BRINP2: variants seen among roughly 807,000 people sequenced by gnomAD.
BRINP2 encodes BMP/retinoic acid-inducible neural-specific protein 2.
A neutral mutation model predicts 69.2 loss-of-function variants in BRINP2; 21 were observed. The observed-to-expected ratio is 0.30, with a 90% CI of 0.22 to 0.44. The LOEUF (loss-of-function observed/expected upper bound fraction) is 0.44. BRINP2 is among the 20% of genes least tolerant of loss of function. BRINP2 has a pLI of 1.00. For missense variants in BRINP2, 877 were observed against 986.0 expected (o/e 0.89, Z 1.48); for synonymous variants, 380 against 394.1 (o/e 0.96, Z 0.42).
chr1:177,206,054 C>T (rs565758064), intron 1 of BRINP2, among the ~76,000 whole-genome samples: 9 of 152,274 alleles, frequency 5.9e-5, no homozygotes, highest in Admixed American at 2.6e-4. Flanking sequence ...TTCTGTGAGA[C>T]GTGAGATGTT....
Position 177,241,066 on chromosome 1 carries a change from G to A in BRINP2, c.269+10921G>A, listed in dbSNP as rs796598152. Among the ~76,000 whole-genome samples the A allele has an allele frequency of 8.5e-5, 13 of 152,094 alleles. 1 individual carries two copies. The highest frequency in any genetic ancestry group is 3.1e-4 in the African/African-American group (13 of 41,462). On this transcript the variant is annotated intron_variant, in intron 2 of 7. Transcript: ENST00000361539. ...AGCTCACTGTAAACTCCGCCTCCCG[G>A]GTTCATGCCATTCTCCTGCCTCAGC... is the stretch of plus-strand genomic sequence containing the variant.
intron 6 of BRINP2, 99 bp from the exon 7 acceptor site, chr1:177,278,464 G>T (rs1651574185): frequency 8.8e-7 from 1 of 1,131,298 alleles, no homozygotes; most frequent in East Asian, 2.4e-5. Context: ...TTCTCATGCA[G>T]TAACTTTGAA....
chr1:177,172,488 A>G (rs1283479538), intron 1 of BRINP2, among the ~76,000 whole-genome samples: 1 of 152,174 alleles, frequency 6.6e-6, no homozygotes, highest in Admixed American at 6.5e-5. Flanking sequence ...TGTATGCAGG[A>G]AACAGGCTGC....
At chr1:177,264,433 A>G (rs1020020011) in intron 4 of BRINP2, among the ~76,000 whole-genome samples, 1 of 152,216 alleles carries the variant, frequency 6.6e-6, no homozygotes, top group African/African-American at 2.4e-5. Flanking sequence ...ACTCCTATTT[A>G]ACTAGTACTG....
At chr1:177,256,406 C>T in intron 3 of BRINP2, 2 of 985,460 alleles carry the variant, frequency 2.0e-6, no homozygotes, top group Non-Finnish European at 2.4e-6. Flanking sequence ...CTGAGTCACC[C>T]AACCCCTGAG....
Position 177,179,227 on chromosome 1 carries a change from AC to A in BRINP2, c.-77+7496del. Among the ~76,000 whole-genome samples the A allele has an allele frequency of 2.1e-5, 3 of 144,632 alleles. No individual in the cohort carries two copies. In the Middle Eastern group the frequency reaches 0.011, roughly 513 times the overall value. The allele number at this position is 144,632 out of a possible 152,430, so 94.9% of individuals were successfully genotyped here. On this transcript the variant is annotated intron_variant, in intron 1 of 7. Transcript: ENST00000361539. ...AAATAGAGTATTGTCAGACAGAGTG[AC>A]TGAGGCATCGGTCAGGGAAAGTCTC...
chr1:177,215,699 T>G (rs950134031), intron 1 of BRINP2, among the ~76,000 whole-genome samples: 7 of 152,128 alleles, frequency 4.6e-5, no homozygotes, highest in African/African-American at 1.7e-4. Context: ...TCTCTTCCCT[T>G]ATTGGTGTAA....
At chr1:177,205,309 T>C (rs566203316) in intron 1 of BRINP2, among the ~76,000 whole-genome samples, 35 of 152,096 alleles carry the variant, frequency 2.3e-4, no homozygotes, top group Non-Finnish European at 4.0e-4. Flanking sequence ...TCTGGCTAAA[T>C]TTTGTATTTT....
At chr1:177,189,701 G>T (rs373643232) in intron 1 of BRINP2, among the ~76,000 whole-genome samples, 2 of 152,168 alleles carry the variant, frequency 1.3e-5, no homozygotes, top group African/African-American at 4.8e-5. Context: ...TTAAACAGAG[G>T]CCTCCACATT....
intron 1 of BRINP2, among the ~76,000 whole-genome samples, chr1:177,214,766 T>C (rs1202650208): frequency 6.6e-6 from 1 of 152,220 alleles, no homozygotes; most frequent in Non-Finnish European, 1.5e-5. Context: ...TTTTTAGGAT[T>C]TTAAAAATTA....
chr1:177,262,866 T>C (rs1651001473), intron 4 of BRINP2, among the ~76,000 whole-genome samples: 1 of 152,092 alleles, frequency 6.6e-6, no homozygotes, highest in Non-Finnish European at 1.5e-5. Flanking sequence ...AGTAGATTTC[T>C]GGGTAGCACT....
intron 1 of BRINP2, among the ~76,000 whole-genome samples, chr1:177,176,601 G>A (rs1391810186): frequency 6.6e-6 from 1 of 151,162 alleles, no homozygotes; most frequent in Non-Finnish European, 1.5e-5. Context: ...ACAGGTTAAT[G>A]GGGAAAAGGT....
At chr1:177,209,906 A>C (rs1649177422) in intron 1 of BRINP2, among the ~76,000 whole-genome samples, 1 of 152,228 alleles carries the variant, frequency 6.6e-6, no homozygotes, top group African/African-American at 2.4e-5. Context: ...AAAGAAGGTA[A>C]AGAGCATCCA....
Position 177,233,918 on chromosome 1 carries a change from C to T in BRINP2, c.269+3773C>T, listed in dbSNP as rs142551184. ...ATGAAGAGAACAGAGACAATATGCA[C>T]TCTGGTTAAGCCCTCCTAGATAACA... On this transcript the variant is annotated intron_variant, in intron 2 of 7. Coordinates refer to ENST00000361539, the MANE Select transcript of BRINP2 (RefSeq NM_021165.4). Among the ~76,000 whole-genome samples, 1,347 of 152,266 alleles carry T rather than the reference C, an allele frequency of 8.8e-3. 11 individuals carry two copies. Among genetic ancestry groups the T allele is most frequent in the Non-Finnish European group, 0.015 (991 of 68,024 alleles).
At chr1:177,225,927 G>A (rs1456009682) in intron 1 of BRINP2, among the ~76,000 whole-genome samples, 2 of 152,230 alleles carry the variant, frequency 1.3e-5, no homozygotes, top group African/African-American at 2.4e-5. Flanking sequence ...ACTGAATTCA[G>A]GCATTCTTGC....
intron 2 of BRINP2, among the ~76,000 whole-genome samples, chr1:177,239,954 TTCC>T (rs770418199): frequency 6.6e-6 from 1 of 152,126 alleles, no homozygotes; most frequent in Non-Finnish European, 1.5e-5. Context: ...GTGTGCCTCT[TTCC>T]TCCTCCTCTG....
intron 2 of BRINP2, among the ~76,000 whole-genome samples, chr1:177,245,772 C>G (rs1650358195): frequency 6.6e-6 from 1 of 152,128 alleles, no homozygotes; most frequent in Non-Finnish European, 1.5e-5. Context: ...CATGTTGATT[C>G]TATAAACACA....
At chr1:177,204,429 A>G (rs1296209028) in intron 1 of BRINP2, among the ~76,000 whole-genome samples, 2 of 152,042 alleles carry the variant, frequency 1.3e-5, no homozygotes, top group African/African-American at 4.8e-5. Context: ...GAGAAACTCC[A>G]ATTGAATGAC....
chr1:177,257,826 C>A (rs1033345073), intron 4 of BRINP2, among the ~76,000 whole-genome samples: 12 of 152,124 alleles, frequency 7.9e-5, no homozygotes, highest in African/African-American at 2.4e-4. Context: ...GATAAGAAAC[C>A]AGCTGTGTGG....
Sources: gnomAD v4.1 joint callset for allele counts (sites outside exome capture counted in the v4.1 genomes callset) on GRCh38, gnomAD v4.1.1 for gene constraint, MANE v1.5 for transcripts, NCBI Gene and HGNC (gene_info 2026-07-23, HGNC 2026-07-21) for gene names.